ST6GALNAC5: variants seen among roughly 807,000 people sequenced by gnomAD.
The protein encoded by ST6GALNAC5 is alpha-N-acetylgalactosaminide alpha-2,6-sialyltransferase 5.
ST6GALNAC5 carries 27 observed loss-of-function variants against 33.6 expected under a neutral mutation model. The observed-to-expected ratio is 0.80, with a 90% CI of 0.59 to 1.11. The LOEUF (loss-of-function observed/expected upper bound fraction) is 1.11, where lower values mean the gene tolerates loss of function less well. ST6GALNAC5 is among the 50% of genes least tolerant of loss of function. ST6GALNAC5 has a pLI of 0.00. For synonymous variants in ST6GALNAC5, 194 were observed against 171.2 expected, an observed-to-expected ratio of 1.13 and a Z score of -1.04; for missense variants, 428 against 454.0, an observed-to-expected ratio of 0.94 and a Z score of 0.52.
intron 2 of ST6GALNAC5, among the ~76,000 whole-genome samples, chr1:76,962,362 C>T (rs182891440): frequency 6.6e-5 from 10 of 152,292 alleles, no homozygotes; most frequent in Admixed American, 4.6e-4. Flanking sequence ...TGTCAAGCCA[C>T]TCACAGAAAG....
chr1:77,009,810 T>G (rs1650563948), intron 2 of ST6GALNAC5, among the ~76,000 whole-genome samples: 1 of 152,236 alleles, frequency 6.6e-6, no homozygotes, highest in Admixed American at 6.5e-5. Context: ...GAGTATTTTC[T>G]TAGGCCAAAT....
At chr1:76,921,300 A>G (rs1334461387) in intron 2 of ST6GALNAC5, among the ~76,000 whole-genome samples, 1 of 152,172 alleles carries the variant, frequency 6.6e-6, no homozygotes, top group Admixed American at 6.5e-5. Flanking sequence ...AACTGGAAAG[A>G]AAATGAGTGA....
chr1:76,939,417 A>AAAAT (rs1647272617), intron 2 of ST6GALNAC5, among the ~76,000 whole-genome samples: 2 of 152,042 alleles, frequency 1.3e-5, no homozygotes, highest in Non-Finnish European at 2.9e-5. Context: ...ATCAGGACCC[A>AAAAT]CTGTCGATGG....
chr1:76,906,762 G>A (rs889505365), intron 2 of ST6GALNAC5, among the ~76,000 whole-genome samples: 7 of 152,038 alleles, frequency 4.6e-5, no homozygotes, highest in Non-Finnish European at 7.4e-5. Context: ...TCTCAACTCC[G>A]GGTCTCCCTC....
chr1:77,005,613 C>G (rs138040440), intron 2 of ST6GALNAC5, among the ~76,000 whole-genome samples: 42 of 152,290 alleles, frequency 2.8e-4, no homozygotes, highest in African/African-American at 9.9e-4. Context: ...TAAGTACACT[C>G]ACATTGTTGT....
intron 2 of ST6GALNAC5, among the ~76,000 whole-genome samples, chr1:76,876,989 C>T (rs945339245): frequency 2.0e-5 from 3 of 152,108 alleles, no homozygotes; most frequent in African/African-American, 4.8e-5. Context: ...TGCTCAAGCC[C>T]GATCACGTAT....
chr1:76,879,192 A>AATCTCCCT (rs1360638033), intron 2 of ST6GALNAC5, among the ~76,000 whole-genome samples: 1 of 152,154 alleles, frequency 6.6e-6, no homozygotes, highest in Non-Finnish European at 1.5e-5. Context: ...CCACCATCCC[A>AATCTCCCT]ATCTCCCTAA....
intron 2 of ST6GALNAC5, among the ~76,000 whole-genome samples, chr1:76,945,203 T>C (rs149359625): frequency 6.0e-4 from 91 of 152,222 alleles, no homozygotes; most frequent in Non-Finnish European, 9.6e-4. Context: ...GGCCGAGTTA[T>C]TCTTCAAGTA....
intron 2 of ST6GALNAC5, among the ~76,000 whole-genome samples, chr1:76,962,999 A>AG (rs1316069259): frequency 6.6e-6 from 1 of 152,188 alleles, no homozygotes; most frequent in Non-Finnish European, 1.5e-5. Context: ...GGCTTCTCAA[A>AG]GCATCATTCT....
At chr1:76,968,906 C>T (rs911897913) in intron 2 of ST6GALNAC5, among the ~76,000 whole-genome samples, 3 of 152,170 alleles carry the variant, frequency 2.0e-5, no homozygotes, top group African/African-American at 7.2e-5. Context: ...TGAATATTGG[C>T]CCCCACTCTC....
At chr1:76,896,861 T>C (rs57311969) in intron 2 of ST6GALNAC5, among the ~76,000 whole-genome samples, 8,473 of 152,168 alleles carry the variant, frequency 0.056, 610 homozygotes, top group African/African-American at 0.17. Context: ...AGCCACTGCA[T>C]GCAGACATGA....
chr1:76,881,866 A>G lies in ST6GALNAC5; in HGVS notation c.261+13124A>G, dbSNP rs144885351. Among the ~76,000 whole-genome samples, 506 of 152,338 alleles carry G rather than the reference A, an allele frequency of 3.3e-3. 2 individuals are homozygous for G. The highest frequency in any genetic ancestry group is 0.018 in the South Asian group (86 of 4,834). On this transcript the variant is annotated intron_variant, in intron 2 of 4. Transcript: ENST00000477717. ...TACTCAGGATTTCAGAGCTAGAAGG[A>G]AAACTTAAGAATTATCAAAAGGAAT...
chr1:76,998,692 C>A (rs1227150782), intron 2 of ST6GALNAC5, among the ~76,000 whole-genome samples: 1 of 152,154 alleles, frequency 6.6e-6, no homozygotes, highest in Non-Finnish European at 1.5e-5. Flanking sequence ...CCAGAGACTT[C>A]TGCAAAACCT....
rs200054321 is a variant in ST6GALNAC5 at position 76,903,029 on chromosome 1, C to CA, written c.261+34289dup. ...ATTCCCAAAACATGAGCAACAACAACAACAAAAAATTGGTTTTCACCAAAA... is the reference window on the plus strand; with the variant it reads ...ATTCCCAAAACATGAGCAACAACAACAAACAAAAAATTGGTTTTCACCAAAA... On this transcript the variant is annotated intron_variant, in intron 2 of 4. Coordinates refer to ENST00000477717, the MANE Select transcript of ST6GALNAC5 (RefSeq NM_030965.3). Among the ~76,000 whole-genome samples, 546 of 152,034 alleles carry CA rather than the reference C, an allele frequency of 3.6e-3. 5 individuals are homozygous for CA. Among genetic ancestry groups the CA allele is most frequent in the African/African-American group, 0.013 (522 of 41,474 alleles).
intron 2 of ST6GALNAC5, among the ~76,000 whole-genome samples, chr1:76,897,627 GA>G (rs538169800): frequency 2.0e-5 from 3 of 149,564 alleles, no homozygotes; most frequent in Non-Finnish European, 4.4e-5. Flanking sequence ...AAGGTGGGGG[GA>G]TACAAGAGGA....
chr1:76,983,973 G>T (rs916289386), intron 2 of ST6GALNAC5, among the ~76,000 whole-genome samples: 1 of 152,314 alleles, frequency 6.6e-6, no homozygotes, highest in African/African-American at 2.4e-5. Context: ...TGAGAACAAA[G>T]ACACAACGTG....
At chr1:76,892,693 AT>A (rs1251047625) in intron 2 of ST6GALNAC5, among the ~76,000 whole-genome samples, 6 of 152,252 alleles carry the variant, frequency 3.9e-5, no homozygotes, top group African/African-American at 1.4e-4. Flanking sequence ...TTTAATTGAT[AT>A]AGAGGAAATT....
intron 2 of ST6GALNAC5, among the ~76,000 whole-genome samples, chr1:76,921,333 C>G (rs920447299): frequency 6.6e-6 from 1 of 152,036 alleles, no homozygotes; most frequent in Non-Finnish European, 1.5e-5. Context: ...CTTTTCCCCT[C>G]TTGGGGACTG....
chr1:76,879,725 T>A (rs1557707551), intron 2 of ST6GALNAC5, among the ~76,000 whole-genome samples: 1 of 152,118 alleles, frequency 6.6e-6, no homozygotes, highest in Non-Finnish European at 1.5e-5. Context: ...GCAGTGTGGG[T>A]CAGGGAGGAG....
Sources: gnomAD v4.1 joint callset for allele counts (sites outside exome capture counted in the v4.1 genomes callset) on GRCh38, gnomAD v4.1.1 for gene constraint, MANE v1.5 for transcripts, NCBI Gene and HGNC (gene_info 2026-07-23, HGNC 2026-07-21) for gene names.